Variants in CCDC171 observed in about 807,000 individuals in gnomAD.
CCDC171 encodes the protein coiled-coil domain-containing protein 171.
CCDC171 carries 177 observed loss-of-function variants against 168.2 expected under a neutral mutation model. That is an observed-to-expected ratio of 1.05 (90% CI 0.93 to 1.19). The LOEUF is 1.19. CCDC171 is among the 50% of genes most tolerant of loss of function. The pLI, the probability that CCDC171 is intolerant of heterozygous loss-of-function variation, is 0.00. For synonymous variants in CCDC171, 687 were observed against 540.8 expected (o/e 1.27, Z -3.75); for missense variants, 1,991 against 1,539.0 (o/e 1.29, Z -4.91).
chr9:15,756,741 G>C (rs2056143397), intron 18 of CCDC171, among the ~76,000 whole-genome samples: 2 of 152,184 alleles, frequency 1.3e-5, no homozygotes, highest in South Asian at 4.1e-4. Context: ...CATAATTCCG[G>C]CATGTTGTGG....
At chr9:15,832,523 A>C (rs913050967) in intron 21 of CCDC171, among the ~76,000 whole-genome samples, 1 of 152,232 alleles carries the variant, frequency 6.6e-6, no homozygotes, top group East Asian at 1.9e-4. Context: ...GCTGTAGGCA[A>C]TTGTAACACA....
intron 20 of CCDC171, among the ~76,000 whole-genome samples, chr9:15,783,866 T>G (rs2057796998): frequency 6.6e-6 from 1 of 152,186 alleles, no homozygotes; most frequent in South Asian, 2.1e-4. Context: ...TATTGAACAC[T>G]CACTGAGTGC....
chr9:15,999,823 G>A (rs537440511), intron 3 of CCDC171, among the ~76,000 whole-genome samples: 1 of 152,272 alleles, frequency 6.6e-6, no homozygotes, highest in East Asian at 1.9e-4. Flanking sequence ...AACTTATCTG[G>A]AGACGGGGGA....
intron 21 of CCDC171, among the ~76,000 whole-genome samples, chr9:15,793,130 T>C (rs557246392): frequency 1.1e-4 from 17 of 151,970 alleles, no homozygotes; most frequent in African/African-American, 3.9e-4. Context: ...TGGAGGAAGA[T>C]CTACCAAGCA....
chr9:15,686,701 C>T (rs1294901414), intron 10 of CCDC171, among the ~76,000 whole-genome samples: 1 of 152,020 alleles, frequency 6.6e-6, no homozygotes, highest in Non-Finnish European at 1.5e-5. Flanking sequence ...GGTCAATCCA[C>T]CAGAACGATC....
intron 21 of CCDC171, among the ~76,000 whole-genome samples, chr9:15,814,932 ACAGCTT>A (rs1458414739): frequency 2.0e-5 from 3 of 152,218 alleles, no homozygotes; most frequent in Non-Finnish European, 4.4e-5. Context: ...ACAATGAATG[ACAGCTT>A]CTGAAGCTGG....
At chr9:15,996,619 A>T (rs1832382506) in intron 3 of CCDC171, among the ~76,000 whole-genome samples, 1 of 152,020 alleles carries the variant, frequency 6.6e-6, no homozygotes, top group African/African-American at 2.4e-5. Flanking sequence ...CAACTAAAAT[A>T]GTTTTAAGTT....
intron 3 of CCDC171, among the ~76,000 whole-genome samples, chr9:16,002,186 T>A (rs1453341512): frequency 7.4e-5 from 11 of 147,996 alleles, no homozygotes; most frequent in African/African-American, 2.7e-4. Flanking sequence ...CTCCTTTTAC[T>A]TTTTTTTTTA....
intron 24 of CCDC171, among the ~76,000 whole-genome samples, chr9:15,906,134 A>G (rs573783053): frequency 1.5e-3 from 234 of 152,344 alleles, no homozygotes; most frequent in Middle Eastern, 6.8e-3. Context: ...AACTATTCCA[A>G]TCAATAGAAA....
At chr9:15,626,962 T>A (rs201344455) in intron 7 of CCDC171, among the ~76,000 whole-genome samples, 1 of 152,090 alleles carries the variant, frequency 6.6e-6, no homozygotes, top group Admixed American at 6.5e-5. Context: ...TTTTTTGGTT[T>A]GTAGGCTATT....
chr9:15,911,023 T>C (rs1400606747), intron 24 of CCDC171, among the ~76,000 whole-genome samples: 2 of 152,220 alleles, frequency 1.3e-5, no homozygotes, highest in East Asian at 1.9e-4. Context: ...CGTGTGTCTT[T>C]ATAGTAGCAT....
intron 7 of CCDC171, among the ~76,000 whole-genome samples, chr9:15,634,638 A>C (rs1191712795): frequency 6.6e-6 from 1 of 152,216 alleles, no homozygotes; most frequent in African/African-American, 2.4e-5. Context: ...GAGTAAAAAA[A>C]ACACTTTATA....
Position 15,819,158 on chromosome 9 carries a change from T to A in CCDC171, c.3268-27544T>A, listed in dbSNP as rs1319328786. 1.7e-5 allele frequency among the ~76,000 whole-genome samples: 2 copies of A among 117,092 alleles called. 1 individual carries two copies. The highest frequency in any genetic ancestry group is 3.8e-5 in the Non-Finnish European group (2 of 52,110). The allele number at this position is 117,092 out of a possible 152,430, so 76.8% of individuals were successfully genotyped here. A position where few individuals can be genotyped will look rare whatever the true frequency, so the allele number is the denominator to read the frequency against. ...AAGCAAATGCTGAGAGATTTTGTCA[T>A]CACCAGGCCTGCCCTGCAAGAGCTC... On this transcript the variant is annotated intron_variant, in intron 21 of 25. Transcript: ENST00000380701.
At chr9:15,960,798 C>A (rs184018781) in intron 25 of CCDC171, among the ~76,000 whole-genome samples, 86 of 152,236 alleles carry the variant, frequency 5.6e-4, no homozygotes, top group African/African-American at 2.1e-3. Flanking sequence ...GAAATACATT[C>A]TTTTAACTGA....
intron 3 of CCDC171, among the ~76,000 whole-genome samples, chr9:15,995,860 T>TA: frequency 6.6e-6 from 1 of 152,346 alleles, no homozygotes; most frequent in South Asian, 2.1e-4. Context: ...TTAATTGTCA[T>TA]ATATTCACTG....
chr9:15,845,252 T>G lies in CCDC171; in HGVS notation c.3268-1450T>G, dbSNP rs184904859. On this transcript the variant is annotated intron_variant, in intron 21 of 25. Coordinates refer to ENST00000380701, the MANE Select transcript of CCDC171 (RefSeq NM_173550.4). ...AAAAATTTATTCTTTGCCATCTTTT[T>G]AAAGTTGGTTTGAATCAGTGACTAT... is the stretch of plus-strand genomic sequence containing the variant. Among the ~76,000 whole-genome samples, 462 of 152,240 alleles carry G rather than the reference T, an allele frequency of 3.0e-3. 12 individuals carry two copies. The highest frequency in any genetic ancestry group is 0.029 in the Admixed American group (440 of 15,262).
At chr9:15,695,656 T>C (rs941646918) in intron 11 of CCDC171, among the ~76,000 whole-genome samples, 10 of 152,190 alleles carry the variant, frequency 6.6e-5, no homozygotes, top group Non-Finnish European at 1.2e-4. Context: ...GGGGAACAGA[T>C]GTTTCGATCA....
At chr9:15,626,384 C>T (rs1448146837) in intron 7 of CCDC171, among the ~76,000 whole-genome samples, 2 of 152,184 alleles carry the variant, frequency 1.3e-5, no homozygotes, top group African/African-American at 4.8e-5. Flanking sequence ...GCATCCCTGT[C>T]TTGGGCCAGT....
intron 21 of CCDC171, among the ~76,000 whole-genome samples, chr9:15,841,228 G>A (rs2060667852): frequency 6.6e-6 from 1 of 151,774 alleles, no homozygotes; most frequent in Non-Finnish European, 1.5e-5. Flanking sequence ...TTTTTCATGT[G>A]TGATAAAATA....
Sources: allele counts gnomAD v4.1 joint callset (sites outside exome capture counted in the v4.1 genomes callset), GRCh38; gene constraint gnomAD v4.1.1; transcripts MANE v1.5; gene names NCBI Gene and HGNC (gene_info 2026-07-23, HGNC 2026-07-21).